Variants in BANK1 observed in about 807,000 individuals in gnomAD.
BANK1 encodes the protein B cell scaffold protein with ankyrin repeats 1, also known as B-cell scaffold protein with ankyrin repeats.
In BANK1, 95 loss-of-function variants were observed where a neutral mutation model predicts 94.5. That is an observed-to-expected ratio of 1.00 (90% CI 0.85 to 1.19). The LOEUF (loss-of-function observed/expected upper bound fraction) is 1.19, where lower values mean the gene tolerates loss of function less well. Ranked by LOEUF, BANK1 falls within the 50% of genes most tolerant of loss-of-function variation. The probability of loss-of-function intolerance (pLI) is 0.00; values close to 1 mark genes in which losing one functional copy is unlikely to be tolerated. For missense variants in BANK1, 987 were observed against 932.2 expected, an observed-to-expected ratio of 1.06 and a Z score of -0.77; for synonymous variants, 334 against 308.4, an observed-to-expected ratio of 1.08 and a Z score of -0.87.
rs183033304 is a variant in BANK1 at position 102,057,984 on chromosome 4, G to A, written c.1970-2227G>A. Among the ~76,000 whole-genome samples, 938 of 152,018 alleles carry A rather than the reference G, an allele frequency of 6.2e-3. 5 individuals are homozygous for A. Among genetic ancestry groups the A allele is most frequent in the Non-Finnish European group, 8.5e-3 (578 of 67,944 alleles). On this transcript the variant is annotated intron_variant, in intron 11 of 16. Transcript: ENST00000322953. Reference sequence around the variant, plus strand: ...ACTTTGATACTGCTAAAATTTTAACGTGTATATAATTTTGTATCCTGCTTT... The same window carrying A: ...ACTTTGATACTGCTAAAATTTTAACATGTATATAATTTTGTATCCTGCTTT...
intron 7 of BANK1, among the ~76,000 whole-genome samples, chr4:101,987,330 A>G (rs905166386): frequency 2.6e-5 from 4 of 152,134 alleles, no homozygotes; most frequent in African/African-American, 4.8e-5. Context: ...TGAGGTGGAC[A>G]TTAATACTAT....
chr4:101,800,817 G>T (rs189200751), intron 1 of BANK1, among the ~76,000 whole-genome samples: 9 of 152,182 alleles, frequency 5.9e-5, no homozygotes, highest in Non-Finnish European at 1.3e-4. Flanking sequence ...GAGTGCAATG[G>T]TACAATCTCA....
chr4:101,795,601 G>A (rs1193752778), intron 1 of BANK1, among the ~76,000 whole-genome samples: 2 of 152,040 alleles, frequency 1.3e-5, no homozygotes, highest in Non-Finnish European at 2.9e-5. Flanking sequence ...TATTGGGAGA[G>A]GAGTGTGTTT....
chr4:101,906,606 C>T (rs1722459812), intron 6 of BANK1, among the ~76,000 whole-genome samples: 1 of 152,128 alleles, frequency 6.6e-6, no homozygotes, highest in South Asian at 2.1e-4. Context: ...AATAAACATG[C>T]TGTGTAACCT....
At chr4:101,862,716 C>A (rs1307636723) in intron 4 of BANK1, 52 bp downstream of exon 4, 3 of 1,448,610 alleles carry the variant, frequency 2.1e-6, no homozygotes, top group East Asian at 5.0e-5. Context: ...GAGTTCCTTC[C>A]AATAAATTTA....
chr4:102,013,703 T>G (rs1322867044), intron 7 of BANK1, among the ~76,000 whole-genome samples: 1 of 152,004 alleles, frequency 6.6e-6, no homozygotes, highest in Non-Finnish European at 1.5e-5. Context: ...GGTCTTTTTT[T>G]TTAATCTTTT....
At chr4:102,053,768 C>A (rs779552007) in intron 11 of BANK1, among the ~76,000 whole-genome samples, 1 of 151,294 alleles carries the variant, frequency 6.6e-6, no homozygotes, top group Non-Finnish European at 1.5e-5. Context: ...AAGAAAAATA[C>A]GTAATGTAAC....
intron 2 of BANK1, among the ~76,000 whole-genome samples, chr4:101,848,917 G>A (rs34118030): frequency 0.11 from 17,450 of 152,080 alleles, 1,320 homozygotes; most frequent in East Asian, 0.24. Flanking sequence ...CCCTTTCAGC[G>A]ATGCAATCAC....
intron 1 of BANK1, among the ~76,000 whole-genome samples, chr4:101,810,999 G>A (rs1725716386): frequency 6.6e-6 from 1 of 152,154 alleles, no homozygotes; most frequent in Non-Finnish European, 1.5e-5. Flanking sequence ...CTCTACGAAT[G>A]AGGGATCAGT....
chr4:101,884,996 C>T (rs537428614), intron 5 of BANK1, among the ~76,000 whole-genome samples: 29 of 152,326 alleles, frequency 1.9e-4, no homozygotes, highest in African/African-American at 5.8e-4. Context: ...GCAACCTCCG[C>T]GCCCTCTCCC....
intron 1 of BANK1, among the ~76,000 whole-genome samples, chr4:101,825,386 T>C (rs1340654955): frequency 1.3e-5 from 2 of 152,136 alleles, no homozygotes; most frequent in Non-Finnish European, 2.9e-5. Context: ...TTGGGGTCTG[T>C]GGTCCTAGAT....
chr4:101,865,725 C>T (rs1476382215), intron 4 of BANK1, among the ~76,000 whole-genome samples: 2 of 152,024 alleles, frequency 1.3e-5, no homozygotes, highest in African/African-American at 4.8e-5. Flanking sequence ...GAATGCTTTC[C>T]TTCCCTACCA....
rs563643138 is a variant in BANK1, at chr4:101,915,423, G to A, written c.1010-2570G>A. ...AAGTAATAAAAGGCATTATTTTGAAGTTTATTTAGCAAGAAGAAATTAAGA... is the reference window on the plus strand; with the variant it reads ...AAGTAATAAAAGGCATTATTTTGAAATTTATTTAGCAAGAAGAAATTAAGA... On this transcript the variant is annotated intron_variant, in intron 6 of 16. Transcript: ENST00000322953. Among the ~76,000 whole-genome samples the A allele has an allele frequency of 5.9e-5, 9 of 152,154 alleles. No individual in the cohort carries two copies. The East Asian group carries it at 1.7e-3, about 29-fold the overall frequency.
chr4:101,920,380 ACTAT>A (rs1192282824), intron 7 of BANK1, among the ~76,000 whole-genome samples: 4 of 151,988 alleles, frequency 2.6e-5, no homozygotes, highest in African/African-American at 7.2e-5. Flanking sequence ...TAAAAAAGAC[ACTAT>A]CTATTCTAAA....
intron 7 of BANK1, among the ~76,000 whole-genome samples, chr4:101,934,508 A>C (rs1305633809): frequency 6.6e-6 from 1 of 151,472 alleles, no homozygotes; most frequent in Admixed American, 6.6e-5. Context: ...ATGCATCCCA[A>C]ATGAATTTTA....
intron 2 of BANK1, among the ~76,000 whole-genome samples, chr4:101,837,880 T>TCCTCTCCCTCTC (rs760201034): frequency 6.6e-6 from 1 of 151,714 alleles, no homozygotes; most frequent in Non-Finnish European, 1.5e-5. Flanking sequence ...ATAGCTTTTC[T>TCCTCTCCCTCTC]CCTCTCCCTC....
chr4:101,983,646 A>T (rs77053147), intron 7 of BANK1, among the ~76,000 whole-genome samples: 1 of 152,054 alleles, frequency 6.6e-6, no homozygotes, highest in Non-Finnish European at 1.5e-5. Context: ...TTTAAAAGCT[A>T]ACCATAAGAT....
intron 13 of BANK1, among the ~76,000 whole-genome samples, chr4:102,067,613 G>C (rs1336469716): frequency 6.6e-6 from 1 of 151,848 alleles, no homozygotes; most frequent in Non-Finnish European, 1.5e-5. Flanking sequence ...TAGAAAGATA[G>C]AGCGATTCTA....
intron 10 of BANK1, among the ~76,000 whole-genome samples, chr4:102,037,453 C>A (rs1307390707): frequency 2.0e-5 from 3 of 152,178 alleles, no homozygotes; most frequent in Non-Finnish European, 4.4e-5. Context: ...TTTTTAGTCA[C>A]TTTAGATTTC....
Sources: allele counts gnomAD v4.1 joint callset (sites outside exome capture counted in the v4.1 genomes callset), GRCh38; gene constraint gnomAD v4.1.1; transcripts MANE v1.5; gene names NCBI Gene and HGNC (gene_info 2026-07-23, HGNC 2026-07-21).